Variants in DHTKD1 observed in about 807,000 individuals in gnomAD.
The protein encoded by DHTKD1 is dehydrogenase E1 and transketolase domain containing 1.
A neutral mutation model predicts 101.8 loss-of-function variants in DHTKD1; 78 were observed. The observed-to-expected ratio is 0.77, with a 90% confidence interval of 0.64 to 0.93. The LOEUF (loss-of-function observed/expected upper bound fraction) is 0.93, where lower values mean the gene tolerates loss of function less well. Ranked by LOEUF, DHTKD1 falls within the 40% of genes least tolerant of loss-of-function variation. The pLI, the probability that DHTKD1 is intolerant of heterozygous loss-of-function variation, is 0.00. For missense variants in DHTKD1, 1,223 were observed against 1,161.7 expected (o/e 1.05, Z -0.77); for synonymous variants, 462 against 450.3 (o/e 1.03, Z -0.33).
At chr10:12,100,099 A>G (rs1439067916) in intron 8 of DHTKD1, 79 bp from the exon 9 acceptor site, 3 of 807,312 alleles carry the variant, frequency 3.7e-6, no homozygotes, top group Non-Finnish European at 6.0e-6. Context: ...CCTGGCCTGC[A>G]TTAAATTTTT....
At chr10:12,074,171 C>T (rs574376768) in intron 1 of DHTKD1, among the ~76,000 whole-genome samples, 1 of 116,812 alleles carries the variant, frequency 8.6e-6, no homozygotes, top group East Asian at 2.4e-4. Flanking sequence ...GAAAGTTTTG[C>T]TTTTTGTTTT....
At chr10:12,078,023 A>G (rs1044707228) in intron 1 of DHTKD1, among the ~76,000 whole-genome samples, 6 of 152,002 alleles carry the variant, frequency 3.9e-5, no homozygotes, top group Admixed American at 6.6e-5. Flanking sequence ...GCTGGTGCCA[A>G]ACTGCTACAT....
chr10:12,081,447 A>G (rs1832816780), intron 1 of DHTKD1, 25 bp from the exon 2 acceptor site: 1 of 1,610,668 alleles, frequency 6.2e-7, no homozygotes, highest in Non-Finnish European at 8.5e-7. Flanking sequence ...AACTGTTTGC[A>G]TTTTTAAATT....
chr10:12,078,533 C>A (rs1311494006), intron 1 of DHTKD1, among the ~76,000 whole-genome samples: 1 of 152,084 alleles, frequency 6.6e-6, no homozygotes. Flanking sequence ...ATCGCTTGCA[C>A]CCAAAAGGCG....
intron 1 of DHTKD1, among the ~76,000 whole-genome samples, chr10:12,078,322 G>T (rs1187184146): frequency 6.6e-6 from 1 of 152,020 alleles, no homozygotes; most frequent in Non-Finnish European, 1.5e-5. Flanking sequence ...CTACTCCGGA[G>T]ACTGAGATGG....
intron 1 of DHTKD1, among the ~76,000 whole-genome samples, chr10:12,076,616 C>G (rs558158973): frequency 2.0e-5 from 3 of 152,092 alleles, no homozygotes; most frequent in African/African-American, 4.8e-5. Context: ...GAGGATCTCT[C>G]GAGCCCAGGA....
At chr10:12,085,839 A>T (rs370277380) in intron 3 of DHTKD1, among the ~76,000 whole-genome samples, 417 of 152,014 alleles carry the variant, frequency 2.7e-3, no homozygotes, top group African/African-American at 9.8e-3. Context: ...GCGAGCCGAG[A>T]TCACACCACT....
chr10:12,110,602 G>A lies in DHTKD1; in HGVS notation c.2155-2298G>A, dbSNP rs1833315265. 6.6e-6 allele frequency among the ~76,000 whole-genome samples: 1 copy of A among 152,162 alleles called. No individual in the cohort carries two copies. ...ATACATTGTGAACTGATTGAATCAA[G>A]CTAATTACCAGACCCGTCACCTCAC... On this transcript the variant is annotated intron_variant, in intron 12 of 16. Transcript: ENST00000263035. This position sits in a 1 kb window ranked among gnomAD's most constrained non-coding sequence, Gnocchi z 4.9.
rs971222205 is a variant in DHTKD1, at chr10:12,089,172, C to G, written c.904C>G (p.Arg302Gly). The G allele has an allele frequency of 1.2e-6, 2 of 1,614,020 alleles. No homozygotes were observed. Among genetic ancestry groups the G allele is most frequent in the African/African-American group, 2.7e-5 (2 of 74,916 alleles). The part of the protein sequence containing the change: ...AVNPVAVGKT[R>G]GRQQSRQDGD... Reference sequence around the variant, plus strand: ...CAACCCCGTGGCCGTGGGCAAAACTCGCGGCAGGCAGCAGTCTCGCCAAGA... The same window carrying G: ...CAACCCCGTGGCCGTGGGCAAAACTGGCGGCAGGCAGCAGTCTCGCCAAGA... The change falls in exon 5 of 17, where the codon CGC (arginine) becomes GGC (glycine). Residue 302 changes from arginine to glycine, a missense_variant. Transcript: ENST00000263035.
At chr10:12,119,615 C>CA (rs71382684) in intron 15 of DHTKD1, among the ~76,000 whole-genome samples, 4,392 of 89,062 alleles carry the variant, frequency 0.049, 194 homozygotes, top group African/African-American at 0.13. Context: ...GACTCCGTCT[C>CA]AAAAAAAAAA....
At chr10:12,096,626 A>G (rs1431839228) in intron 7 of DHTKD1, among the ~76,000 whole-genome samples, 3 of 152,244 alleles carry the variant, frequency 2.0e-5, no homozygotes, top group African/African-American at 7.2e-5. Flanking sequence ...CTGGGATTGC[A>G]GGCATGAGCC....
chr10:12,072,767 G>A (rs1363821652), intron 1 of DHTKD1, among the ~76,000 whole-genome samples: 9 of 149,248 alleles, frequency 6.0e-5, no homozygotes, highest in African/African-American at 2.2e-4. Flanking sequence ...ATGGAGTTTC[G>A]CTCTTGTTGC....
intron 15 of DHTKD1, among the ~76,000 whole-genome samples, chr10:12,119,623 A>C (rs1833491967): frequency 6.6e-6 from 1 of 151,432 alleles, no homozygotes; most frequent in African/African-American, 2.4e-5. Context: ...CTCAAAAAAA[A>C]AAAAAAAAAA....
At chr10:12,095,812 C>CAAA (rs1185585860) in intron 7 of DHTKD1, among the ~76,000 whole-genome samples, 9,428 of 40,554 alleles carry the variant, frequency 0.23, 1,312 homozygotes, top group South Asian at 0.3. Flanking sequence ...GACTCCGTCT[C>CAAA]AAAAAAAAAA....
intron 1 of DHTKD1, among the ~76,000 whole-genome samples, chr10:12,074,228 CTGAG>C (rs1345073449): frequency 1.3e-5 from 2 of 152,112 alleles, no homozygotes; most frequent in Non-Finnish European, 2.9e-5. Flanking sequence ...GTCGCCCAGA[CTGAG>C]TGCAGTGGCA....
At chr10:12,109,913 A>G (rs1372285833) in intron 12 of DHTKD1, among the ~76,000 whole-genome samples, 1 of 152,182 alleles carries the variant, frequency 6.6e-6, no homozygotes. Context: ...TGGTAGGGAC[A>G]AAAGTCTGTC....
intron 13 of DHTKD1, among the ~76,000 whole-genome samples, chr10:12,115,046 C>T (rs573963421): frequency 3.3e-5 from 5 of 150,990 alleles, no homozygotes; most frequent in South Asian, 2.1e-4. Context: ...CCGCCCGCCT[C>T]GGCCTCCCAA....
intron 14 of DHTKD1, 90 bp downstream of exon 14, chr10:12,117,845 GATCTCCCCTCTC>G (rs1429317610): frequency 3.0e-5 from 1 of 33,188 alleles, no homozygotes; most frequent in Admixed American, 9.5e-4. Context: ...AGGTGATGCA[GATCTCCCCTCTC>G]CTATTTTTAT....
At position 12,107,843 on chromosome 10, in the gene DHTKD1, G is replaced by A. The variant is rs924880699; in HGVS notation, c.2048-66G>A. The A allele has an allele frequency of 6.6e-6, 7 of 1,056,826 alleles. No homozygotes were observed. Among genetic ancestry groups the A allele is most frequent in the Non-Finnish European group, 1.0e-5 (7 of 688,238 alleles). 65.5% of individuals were successfully genotyped at this position (1,056,826 alleles called of 1,614,324 possible). On this transcript the variant is annotated intron_variant, in intron 11 of 16. Coordinates refer to ENST00000263035, the MANE Select transcript of DHTKD1 (RefSeq NM_018706.7). The surrounding 1 kb of genome is among the most constrained non-coding windows in gnomAD (Gnocchi z 4.1). The stretch of plus-strand genomic sequence containing the variant: ...AAAACTAACATTGATTTCCCCAGCT[G>A]AGTCGTGTCAGGCCACTTTGTCCCC...
Sources: gnomAD v4.1 joint callset for allele counts (sites outside exome capture counted in the v4.1 genomes callset) on GRCh38, gnomAD v4.1.1 for gene constraint, Gnocchi (gnomAD v3.1) non-coding constraint, MANE v1.5 for transcripts, NCBI Gene and HGNC (gene_info 2026-07-23, HGNC 2026-07-21) for gene names.